IPP: variants seen among roughly 807,000 people sequenced by gnomAD.
The protein encoded by IPP is actin-binding protein IPP.
IPP carries 41 observed loss-of-function variants against 64.1 expected under a neutral mutation model. The observed-to-expected ratio is 0.64, with a 90% CI of 0.50 to 0.83. The LOEUF is 0.83. IPP is among the 40% of genes least tolerant of loss of function. IPP has a pLI of 0.00. For synonymous variants in IPP, 214 were observed against 235.2 expected, an observed-to-expected ratio of 0.91 and a Z score of 0.83; for missense variants, 649 against 703.0, an observed-to-expected ratio of 0.92 and a Z score of 0.87.
chr1:45,699,389 T>A lies in IPP; in HGVS notation c.*577A>T. The A allele has an allele frequency of 1.0e-6, 1 of 985,260 alleles. No individual in the cohort carries two copies. Among genetic ancestry groups the A allele is most frequent in the Non-Finnish European group, 1.2e-6 (1 of 829,714 alleles). The allele number at this position is 985,260 out of a possible 1,614,324, so 61.0% of individuals were successfully genotyped here. A position where few individuals can be genotyped will look rare whatever the true frequency, so the allele number is the denominator to read the frequency against. On this transcript the variant is annotated 3_prime_UTR_variant, in exon 9 of 9. Coordinates refer to ENST00000396478, the MANE Select transcript of IPP (RefSeq NM_005897.3). ...TGAATATAGAGGTCTTTAAACTGTG[T>A]CATTGACACTATTCCTATATCACAT... is the stretch of plus-strand genomic sequence containing the variant.
Position 45,719,264 on chromosome 1 carries a change from C to T in IPP, c.1125G>A (p.Ser375=), listed in dbSNP as rs367992913. Residue 375 remains serine (S), a synonymous_variant, in exon 6 of 9, where the codon TCG becomes TCA. Transcript: ENST00000396478. The part of the protein sequence containing the change: ...PVTKQWTTVA[S]MNHPRCGLGV... Reference sequence around the variant, plus strand: ...CTAAGCCGCAGCGGGGATGATTCATCGAAGCTACAGTTGTCCACTGTTTAG... The same window carrying T: ...CTAAGCCGCAGCGGGGATGATTCATTGAAGCTACAGTTGTCCACTGTTTAG... 53 of 1,613,596 alleles carry T rather than the reference C, an allele frequency of 3.3e-5. No homozygotes were observed. Among genetic ancestry groups the T allele is most frequent in the Middle Eastern group, 3.3e-4 (2 of 6,082 alleles).
chr1:45,698,286 C>T (rs1001127357), downstream of IPP, among the ~76,000 whole-genome samples: 4 of 152,094 alleles, frequency 2.6e-5, no homozygotes, highest in Non-Finnish European at 4.4e-5. Context: ...GAGCAAAATT[C>T]CATCTCAAAA....
chr1:45,729,083 T>C (rs1645871475), intron 4 of IPP, among the ~76,000 whole-genome samples: 2 of 150,558 alleles, frequency 1.3e-5, no homozygotes, highest in South Asian at 4.2e-4. Context: ...GAGGCAGAGA[T>C]TGCAGTGATC....
intron 5 of IPP, among the ~76,000 whole-genome samples, chr1:45,725,222 C>T (rs1645802643): frequency 7.0e-6 from 1 of 142,858 alleles, no homozygotes; most frequent in Non-Finnish European, 1.5e-5. Context: ...GGGGGGTCAG[C>T]CCCCCGCCTG....
chr1:45,732,039 G>C (rs1645913604), intron 3 of IPP, among the ~76,000 whole-genome samples: 1 of 151,960 alleles, frequency 6.6e-6, no homozygotes, highest in African/African-American at 2.4e-5. Flanking sequence ...CTCCTCGTAA[G>C]TGCTTCACAT....
intron 5 of IPP, among the ~76,000 whole-genome samples, chr1:45,725,296 G>C (rs1323925716): frequency 9.0e-5 from 12 of 133,294 alleles, no homozygotes; most frequent in African/African-American, 3.4e-4. Context: ...GGGAAGTGAG[G>C]AGCCCCTCTG....
At chr1:45,718,223 T>C (rs1645686624) in intron 6 of IPP, among the ~76,000 whole-genome samples, 1 of 152,180 alleles carries the variant, frequency 6.6e-6, no homozygotes, top group African/African-American at 2.4e-5. Flanking sequence ...CTATGCAGGG[T>C]GGTAAAAATG....
rs760056782 is a variant in IPP at position 45,716,937 on chromosome 1, T to C, written c.1267A>G (p.Met423Val). Residue 423 changes from methionine to valine, a missense_variant, in exon 7 of 9, where the codon ATG becomes GTG. Transcript: ENST00000396478. ...DENKWEVVGNMAVSRYYFGCC... is the reference protein window; with the variant it reads ...DENKWEVVGNVAVSRYYFGCC... ...CCAAAGTAGTAGCGTGACACAGCCA[T>C]GTTACCAACTACTTCCCATTTATTT... is the stretch of plus-strand genomic sequence containing the variant. The C allele has an allele frequency of 5.6e-6, 9 of 1,612,626 alleles. No homozygotes were observed. The African/African-American group carries it at 9.3e-5, about 17-fold the overall frequency.
intron 5 of IPP, among the ~76,000 whole-genome samples, chr1:45,724,395 C>G (rs919604504): frequency 1.3e-5 from 2 of 151,942 alleles, no homozygotes; most frequent in Non-Finnish European, 2.9e-5. Flanking sequence ...TCTGCCCGGC[C>G]GCCACCCCGT....
intron 5 of IPP, among the ~76,000 whole-genome samples, chr1:45,720,232 T>C (rs1407921645): frequency 2.6e-5 from 4 of 152,140 alleles, no homozygotes; most frequent in Non-Finnish European, 4.4e-5. Context: ...TGTGCCACCA[T>C]GTCCAGGTAA....
chr1:45,731,647 A>G (rs1247678816), intron 3 of IPP, among the ~76,000 whole-genome samples: 1 of 151,888 alleles, frequency 6.6e-6, no homozygotes, highest in African/African-American at 2.4e-5. Context: ...ATTAAAGTAC[A>G]TCCCAGGGCC....
At chr1:45,723,461 A>T (rs1166533944) in intron 5 of IPP, among the ~76,000 whole-genome samples, 1 of 152,252 alleles carries the variant, frequency 6.6e-6, no homozygotes, top group Non-Finnish European at 1.5e-5. Flanking sequence ...TACATATGCA[A>T]GTGTCACAGA....
downstream of IPP, chr1:45,697,355 A>AT (rs1246609533): frequency 6.6e-6 from 1 of 152,096 alleles, no homozygotes; most frequent in Non-Finnish European, 1.5e-5. Context: ...GATTCAAGTG[A>AT]TTCTCCTGCC....
rs568395889 is a variant in IPP, at chr1:45,739,252, C to A, written c.724+1649G>T. Among the ~76,000 whole-genome samples the A allele has an allele frequency of 7.2e-5, 11 of 152,100 alleles. No homozygotes were observed. In the South Asian group the frequency reaches 2.3e-3, roughly 32 times the overall value. On this transcript the variant is annotated intron_variant, in intron 3 of 8. Transcript: ENST00000396478. ...CAGTGCATGACAAGAGTAAAAACTT[C>A]AAATCTCAAAACCAGGTCTAAAGTA...
At chr1:45,711,233 T>G (rs1569965555) in intron 8 of IPP, among the ~76,000 whole-genome samples, 1 of 151,138 alleles carries the variant, frequency 6.6e-6, no homozygotes, top group East Asian at 2.0e-4. Context: ...TCCCAGCTAC[T>G]CGGGAGGCTG....
At position 45,732,665 on chromosome 1, in the gene IPP, TTTATTTA is replaced by T. The variant is rs1432788316; in HGVS notation, c.725-2903_725-2897del. On this transcript the variant is annotated intron_variant, in intron 3 of 8. Transcript: ENST00000396478. ...AAATGAAACATTTAAAGTATTTTTA[TTTATTTA>T]TTTATTTATTTAGAGACAGAGTCTA... Among the ~76,000 whole-genome samples, 15 of 78,824 alleles carry T rather than the reference TTTATTTA, an allele frequency of 1.9e-4. No individual in the cohort carries two copies. In the East Asian group the frequency reaches 6.3e-3, roughly 33 times the overall value. 51.7% of individuals were successfully genotyped at this position (78,824 alleles called of 152,430 possible).
chr1:45,702,244 C>T, intron 8 of IPP, among the ~76,000 whole-genome samples: 1 of 151,232 alleles, frequency 6.6e-6, no homozygotes. Context: ...ATTTTTATTA[C>T]TTTATTTTTG....
chr1:45,729,671 GA>G lies in IPP; in HGVS notation c.822del (p.Leu275CysfsTer19). On this transcript the variant is annotated frameshift_variant, in exon 4 of 9. Coordinates refer to ENST00000396478, the MANE Select transcript of IPP (RefSeq NM_005897.3). LOFTEE classifies it high-confidence loss of function. ...CGAGGTCGAACCTTAGATGTCTGCA[GA>G]AAACTACAAAACTTGTTCTCTTTGG... ...KSPKENKFCS[F>X]LQTSKVRPRK... 1 of 1,613,218 alleles carries G rather than the reference GA, an allele frequency of 6.2e-7. No homozygotes were observed. The highest frequency in any genetic ancestry group is 8.5e-7 in the Non-Finnish European group (1 of 1,179,450).
intron 3 of IPP, among the ~76,000 whole-genome samples, chr1:45,736,866 C>A (rs981963627): frequency 1.3e-5 from 2 of 151,470 alleles, no homozygotes; most frequent in South Asian, 2.1e-4. Context: ...GGTGAAACCC[C>A]GTCTCTGCTA....
Sources: allele counts gnomAD v4.1 joint callset (sites outside exome capture counted in the v4.1 genomes callset), GRCh38; gene constraint gnomAD v4.1.1; transcripts MANE v1.5; gene names NCBI Gene and HGNC (gene_info 2026-07-23, HGNC 2026-07-21).